Variants in TRDN observed in about 807,000 individuals in gnomAD.
TRDN encodes the protein triadin in skeletal muscle.
Under a neutral mutation model 149.7 loss-of-function variants are expected in TRDN, and 161 were observed. The ratio of observed to expected loss-of-function variants is 1.08; its 90% confidence interval spans 0.95 to 1.23. The LOEUF is 1.23. Among genes scored for constraint, TRDN ranks in the 50% most tolerant of loss-of-function variants. The pLI, the probability that TRDN is intolerant of heterozygous loss-of-function variation, is 0.00. For synonymous variants in TRDN, 294 were observed against 250.5 expected (o/e 1.17, Z -1.64); for missense variants, 896 against 823.5 (o/e 1.09, Z -1.08).
At chr6:123,475,603 C>CA (rs1562335142) in intron 9 of TRDN, among the ~76,000 whole-genome samples, 1 of 118,226 alleles carries the variant, frequency 8.5e-6, no homozygotes, top group East Asian at 2.4e-4. Flanking sequence ...GAGACACAAC[C>CA]AAAAAAGAGA....
chr6:123,548,472 CA>C lies in TRDN; in HGVS notation c.372del (p.Asp125ThrfsTer9). On this transcript the variant is annotated frameshift_variant, in exon 3 of 41. Coordinates refer to ENST00000334268, the MANE Select transcript of TRDN (RefSeq NM_006073.4). LOFTEE classifies it high-confidence loss of function. ...TTTGTACCTTTATCAGTATCTTCGT[CA>C]CCATCATCATCTTCTTCATCTTCAG... is the stretch of plus-strand genomic sequence containing the variant. Reference protein sequence around the residue: ...ISSEDEEDDDGDEDTDKGEID... With the variant: ...ISSEDEEDDDXDEDTDKGEID... 1 of 1,568,038 alleles carries C rather than the reference CA, an allele frequency of 6.4e-7. No individual in the cohort carries two copies. The highest frequency in any genetic ancestry group is 8.6e-7 in the Non-Finnish European group (1 of 1,158,610).
chr6:123,597,906 A>G (rs1478786831), intron 1 of TRDN, among the ~76,000 whole-genome samples: 3 of 152,128 alleles, frequency 2.0e-5, no homozygotes, highest in African/African-American at 4.8e-5. Context: ...GCTTTATTGC[A>G]GTGATCTGGA....
chr6:123,613,813 A>G (rs1160149614), intron 1 of TRDN, among the ~76,000 whole-genome samples: 1 of 152,188 alleles, frequency 6.6e-6, no homozygotes, highest in Non-Finnish European at 1.5e-5. Context: ...AACAATGAAT[A>G]TGAGTTGGAT....
chr6:123,379,663 T>G (rs565795935), intron 16 of TRDN, among the ~76,000 whole-genome samples: 1 of 152,282 alleles, frequency 6.6e-6, no homozygotes, highest in Admixed American at 6.5e-5. Context: ...AAAATAGCTG[T>G]GCTAATTTGT....
At chr6:123,629,374 T>G (rs1210559934) in intron 1 of TRDN, among the ~76,000 whole-genome samples, 1 of 152,114 alleles carries the variant, frequency 6.6e-6, no homozygotes, top group Admixed American at 6.6e-5. Flanking sequence ...TTCTTTTGTT[T>G]TTCTCAACAC....
chr6:123,357,477 T>C (rs1417405563), intron 20 of TRDN, among the ~76,000 whole-genome samples: 5 of 152,154 alleles, frequency 3.3e-5, no homozygotes, highest in African/African-American at 1.2e-4. Flanking sequence ...AGGGATAGTC[T>C]AAAAATAGAG....
intron 21 of TRDN, among the ~76,000 whole-genome samples, chr6:123,342,329 T>C (rs1288471794): frequency 5.3e-5 from 8 of 151,916 alleles, no homozygotes; most frequent in Non-Finnish European, 8.8e-5. Flanking sequence ...AGGGACAGGG[T>C]TGGCTACTGA....
rs567433733 is a variant in TRDN at position 123,561,032 on chromosome 6, A to G, written c.232+9891T>C. On this transcript the variant is annotated intron_variant, in intron 2 of 40. Coordinates refer to ENST00000334268, the MANE Select transcript of TRDN (RefSeq NM_006073.4). ...GGACTGGCAAATTGACTTTACTCAC[A>G]TGCCCCGAGTCAGAAAACTAAAATA... Among the ~76,000 whole-genome samples, 3 of 152,256 alleles carry G rather than the reference A, an allele frequency of 2.0e-5. No individual in the cohort carries two copies. The South Asian group carries it at 6.2e-4, about 32-fold the overall frequency.
intron 38 of TRDN, among the ~76,000 whole-genome samples, chr6:123,230,808 C>A (rs534024195): frequency 6.6e-6 from 1 of 151,862 alleles, no homozygotes; most frequent in Non-Finnish European, 1.5e-5. Context: ...GCTTTACAGT[C>A]AAAGTGAATA....
chr6:123,245,956 T>C (rs1776159614), intron 38 of TRDN, among the ~76,000 whole-genome samples: 2 of 152,074 alleles, frequency 1.3e-5, no homozygotes, highest in African/African-American at 4.8e-5. Context: ...CAAAACTACA[T>C]GGAAACTGAA....
At chr6:123,345,532 G>A (rs1274047905) in intron 21 of TRDN, among the ~76,000 whole-genome samples, 2 of 151,866 alleles carry the variant, frequency 1.3e-5, no homozygotes, top group African/African-American at 4.8e-5. Flanking sequence ...TGCTGTGTTG[G>A]CTCTTCTGGG....
chr6:123,218,057 T>C lies in TRDN; in HGVS notation c.*544A>G, dbSNP rs1176070635. 6.6e-6 allele frequency: 1 copy of C among 151,930 alleles called. No individual in the cohort carries two copies. Among genetic ancestry groups the C allele is most frequent in the East Asian group, 1.9e-4 (1 of 5,150 alleles). 9.4% of individuals were successfully genotyped at this position (151,930 alleles called of 1,614,324 possible). A position where few individuals can be genotyped will look rare whatever the true frequency, so the allele number is the denominator to read the frequency against. ...TTATAGCAGTCTGTAGTACAACTAT[T>C]ACCCATTCTTAGAGCAAAGCCACAA... On this transcript the variant is annotated 3_prime_UTR_variant, in exon 41 of 41. Coordinates refer to ENST00000334268, the MANE Select transcript of TRDN (RefSeq NM_006073.4).
chr6:123,302,820 A>G (rs930672562), intron 24 of TRDN, among the ~76,000 whole-genome samples: 1 of 152,116 alleles, frequency 6.6e-6, no homozygotes, highest in Non-Finnish European at 1.5e-5. Context: ...GTTCTTATTC[A>G]TCAGTTCTTG....
Position 123,301,770 on chromosome 6 carries a change from C to CATATATATATATATATATACAT in TRDN, c.1510+14686_1510+14687insATGTATATATATATATATATAT, listed in dbSNP as rs35364593. Among the ~76,000 whole-genome samples, 34 of 57,834 alleles carry CATATATATATATATATATACAT rather than the reference C, an allele frequency of 5.9e-4. 1 individual carries two copies. Among genetic ancestry groups the CATATATATATATATATATACAT allele is most frequent in the Admixed American group, 1.1e-3 (4 of 3,488 alleles). 37.9% of individuals were successfully genotyped at this position (57,834 alleles called of 152,430 possible). On this transcript the variant is annotated intron_variant, in intron 24 of 40. Coordinates refer to ENST00000334268, the MANE Select transcript of TRDN (RefSeq NM_006073.4). ...ATATATACATATATATATATATATA[C>CATATATATATATATATATACAT]ATATATATATATATATACATAAATG...
intron 1 of TRDN, among the ~76,000 whole-genome samples, chr6:123,590,184 A>T (rs1764652844): frequency 6.6e-6 from 1 of 152,138 alleles, no homozygotes; most frequent in Non-Finnish European, 1.5e-5. Flanking sequence ...CTTTATCTGT[A>T]TTTACAGCCA....
chr6:123,549,425 T>C (rs1232486865), intron 2 of TRDN, among the ~76,000 whole-genome samples: 1 of 152,108 alleles, frequency 6.6e-6, no homozygotes, highest in Non-Finnish European at 1.5e-5. Context: ...AAATATGGTA[T>C]AAATTGCATC....
At chr6:123,408,446 G>C (rs935418682) in intron 12 of TRDN, among the ~76,000 whole-genome samples, 5 of 152,092 alleles carry the variant, frequency 3.3e-5, no homozygotes, top group Admixed American at 3.3e-4. Flanking sequence ...GGGAGGCCGA[G>C]GTGGGTGGAT....
intron 9 of TRDN, among the ~76,000 whole-genome samples, chr6:123,478,062 A>T (rs1363508562): frequency 7.0e-6 from 1 of 143,670 alleles, no homozygotes; most frequent in Admixed American, 7.0e-5. Context: ...GTATAATAAT[A>T]AAAAAAAAGA....
At chr6:123,464,601 C>T in intron 10 of TRDN, 1 of 1,053,836 alleles carries the variant, frequency 9.5e-7, no homozygotes, top group Non-Finnish European at 1.1e-6. Flanking sequence ...TGTGGTAAAA[C>T]TCCCAGAGTT....
Sources: gnomAD v4.1 joint callset for allele counts (sites outside exome capture counted in the v4.1 genomes callset) on GRCh38, gnomAD v4.1.1 for gene constraint, MANE v1.5 for transcripts, NCBI Gene and HGNC (gene_info 2026-07-23, HGNC 2026-07-21) for gene names.